Variants in ZNF516 observed in about 807,000 individuals in gnomAD.
ZNF516 encodes the protein zinc finger protein 516.
A neutral mutation model predicts 79.7 loss-of-function variants in ZNF516; 19 were observed. That is an observed-to-expected ratio of 0.24 (90% CI 0.17 to 0.35). The LOEUF is 0.35. ZNF516 is among the 10% of genes least tolerant of loss of function. ZNF516 has a pLI of 1.00. For missense variants in ZNF516, 1,678 were observed against 1,679.5 expected (o/e 1.00, Z 0.02); for synonymous variants, 877 against 739.5 (o/e 1.19, Z -3.02).
chr18:76,394,514 G>GAAGCC (rs1291913243), intron 3 of ZNF516, among the ~76,000 whole-genome samples: 81 of 208 alleles, frequency 0.39, 34 homozygotes, highest in East Asian at 0.6. Context: ...GGTCAGGTGG[G>GAAGCC]GGGAGGGCAG....
intron 6 of ZNF516, among the ~76,000 whole-genome samples, chr18:76,368,434 A>G (rs541788711): frequency 6.6e-6 from 1 of 152,166 alleles, no homozygotes; most frequent in South Asian, 2.1e-4. Flanking sequence ...AATTTAACAA[A>G]CCAACTGCCA....
intron 3 of ZNF516, among the ~76,000 whole-genome samples, chr18:76,418,575 C>A (rs2075466868): frequency 6.6e-6 from 1 of 152,058 alleles, no homozygotes; most frequent in Non-Finnish European, 1.5e-5. Context: ...ACGCTGCATC[C>A]TAACTCCCCG....
chr18:76,418,428 CACACTA>C (rs1393963007), intron 3 of ZNF516, among the ~76,000 whole-genome samples: 7 of 151,928 alleles, frequency 4.6e-5, no homozygotes, highest in South Asian at 2.1e-4. Flanking sequence ...CATGCTGTCA[CACACTA>C]ACACTAACAC....
chr18:76,364,542 T>C (rs1404642413), intron 6 of ZNF516, among the ~76,000 whole-genome samples: 1 of 152,214 alleles, frequency 6.6e-6, no homozygotes, highest in African/African-American at 2.4e-5. Context: ...AAAGACATAC[T>C]ATCTTTCTTG....
rs1400453135 is a variant in ZNF516, at chr18:76,364,152, G to A, written c.3433-1595C>T. Among the ~76,000 whole-genome samples the A allele has an allele frequency of 2.0e-5, 3 of 152,174 alleles. No homozygotes were observed. The East Asian group carries it at 5.8e-4, about 29-fold the overall frequency. On this transcript the variant is annotated intron_variant, in intron 6 of 6. Coordinates refer to ENST00000443185, the MANE Select transcript of ZNF516 (RefSeq NM_014643.4). ...TTTATTTTGGAAGCACTGCAAAGTC[G>A]GGATAAGCCAAACAACTAGGTGGTT...
At chr18:76,462,116 GA>G (rs1476989087) in intron 2 of ZNF516, among the ~76,000 whole-genome samples, 1 of 152,170 alleles carries the variant, frequency 6.6e-6, no homozygotes, top group Non-Finnish European at 1.5e-5. Context: ...TTCTGCCACA[GA>G]AGCGTGTTTC....
chr18:76,442,002 G>A lies in ZNF516; in HGVS notation c.1053C>T (p.Asn351=), dbSNP rs758954400. Residue 351 remains asparagine (N), a synonymous_variant, in exon 3 of 7, where the codon AAC becomes AAT. Coordinates refer to ENST00000443185, the MANE Select transcript of ZNF516 (RefSeq NM_014643.4). ...GNLFTNLDSL[N]AHNAIHRRVE... is the part of the protein sequence containing the mutation. ...CTCTGCGGTGGATGGCATTGTGGGC[G>A]TTCAAGCTGTCCAGGTTTGTAAACA... 70 of 1,613,478 alleles carry A rather than the reference G, an allele frequency of 4.3e-5. No individual in the cohort carries two copies. Among genetic ancestry groups the A allele is most frequent in the Non-Finnish European group, 5.7e-5 (67 of 1,179,846 alleles).
intron 3 of ZNF516, among the ~76,000 whole-genome samples, chr18:76,383,978 C>G (rs763396267): frequency 6.6e-6 from 1 of 152,224 alleles, no homozygotes. Flanking sequence ...GGTTTCCTTA[C>G]TGCCAAGGTT....
intron 2 of ZNF516, among the ~76,000 whole-genome samples, chr18:76,462,443 G>A: frequency 6.6e-6 from 1 of 152,234 alleles, no homozygotes; most frequent in Non-Finnish European, 1.5e-5. Flanking sequence ...GCAGGTCTCA[G>A]CAGAGAGATT....
intron 3 of ZNF516, among the ~76,000 whole-genome samples, chr18:76,421,617 C>T (rs906726512): frequency 4.6e-5 from 7 of 152,230 alleles, no homozygotes; most frequent in African/African-American, 1.4e-4. Flanking sequence ...ACACTAAGTT[C>T]CTGGAGTCTT....
intron 3 of ZNF516, among the ~76,000 whole-genome samples, chr18:76,404,661 G>A (rs1360972369): frequency 2.0e-5 from 3 of 152,188 alleles, no homozygotes; most frequent in African/African-American, 7.2e-5. Context: ...ATGTGTACAT[G>A]GGTGAGCGTG....
At chr18:76,449,867 G>A in intron 2 of ZNF516, among the ~76,000 whole-genome samples, 1 of 152,174 alleles carries the variant, frequency 6.6e-6, no homozygotes, top group East Asian at 1.9e-4. Context: ...TATTCACTGG[G>A]CCCTTATGGT....
intron 3 of ZNF516, among the ~76,000 whole-genome samples, chr18:76,435,218 G>T (rs1312985213): frequency 6.6e-6 from 1 of 152,160 alleles, no homozygotes; most frequent in Admixed American, 6.5e-5. Context: ...TACCAAGTAC[G>T]TACATCCCAC....
At chr18:76,492,256 G>C (rs1230222543) in intron 1 of ZNF516, 2 of 985,364 alleles carry the variant, frequency 2.0e-6, no homozygotes, top group Non-Finnish European at 1.2e-6. Flanking sequence ...CTCAGGTCGG[G>C]TCCGTACGCT....
intron 3 of ZNF516, among the ~76,000 whole-genome samples, chr18:76,420,767 T>C (rs1225757446): frequency 1.3e-5 from 2 of 152,222 alleles, no homozygotes; most frequent in South Asian, 2.1e-4. Context: ...ACAGTATTTA[T>C]AAACTTGCTG....
intron 3 of ZNF516, among the ~76,000 whole-genome samples, chr18:76,400,233 C>T (rs2075200567): frequency 6.6e-6 from 1 of 152,180 alleles, no homozygotes; most frequent in Non-Finnish European, 1.5e-5. Context: ...CAGGTCTGAG[C>T]CTAGGCCAGA....
At chr18:76,486,665 G>A (rs1293388170) in intron 1 of ZNF516, among the ~76,000 whole-genome samples, 4 of 143,952 alleles carry the variant, frequency 2.8e-5, no homozygotes, top group African/African-American at 5.2e-5. Context: ...GGTGAGAGAC[G>A]TTGTCTACCT....
chr18:76,467,768 T>C lies in ZNF516; in HGVS notation c.-271-4627A>G. Among the ~76,000 whole-genome samples the C allele has an allele frequency of 1.3e-5, 2 of 152,364 alleles. No homozygotes were observed. The highest frequency in any genetic ancestry group is 3.4e-3 in the Middle Eastern group (1 of 294). ...CCTGCATTTGCAGGCATGTTCAAAC[T>C]GTAAGCCCGTTCGATTCCTGAGTTA... On this transcript the variant is annotated intron_variant, in intron 1 of 6. Coordinates refer to ENST00000443185, the MANE Select transcript of ZNF516 (RefSeq NM_014643.4). This position sits in a 1 kb window ranked among gnomAD's most constrained non-coding sequence, Gnocchi z 4.2.
chr18:76,418,168 AACAC>A lies in ZNF516; in HGVS notation c.1810+23073_1810+23076del, dbSNP rs376421297. Among the ~76,000 whole-genome samples the A allele has an allele frequency of 3.3e-5, 5 of 152,160 alleles. No homozygotes were observed. In the East Asian group the frequency reaches 9.6e-4, roughly 29 times the overall value. On this transcript the variant is annotated intron_variant, in intron 3 of 6. Coordinates refer to ENST00000443185, the MANE Select transcript of ZNF516 (RefSeq NM_014643.4). ...AGTAACATACACAGTAACACACTGT[AACAC>A]ACGCTGCAACACATGCTATAACACA...
Sources: allele counts gnomAD v4.1 joint callset (sites outside exome capture counted in the v4.1 genomes callset), GRCh38; gene constraint gnomAD v4.1.1; non-coding constraint Gnocchi (gnomAD v3.1); transcripts MANE v1.5; gene names NCBI Gene and HGNC (gene_info 2026-07-23, HGNC 2026-07-21).